Variants in PRKG1 observed in about 807,000 individuals in gnomAD.
PRKG1 encodes the protein protein kinase cGMP-dependent 1.
Under a neutral mutation model 88.1 loss-of-function variants are expected in PRKG1, and 35 were observed. The ratio of observed to expected loss-of-function variants is 0.40; its 90% CI spans 0.30 to 0.53. PRKG1 has a LOEUF of 0.53. Ranked by LOEUF, PRKG1 falls within the 20% of genes least tolerant of loss-of-function variation. The pLI, the probability that PRKG1 is intolerant of heterozygous loss-of-function variation, is 0.59. For missense variants in PRKG1, 540 were observed against 839.8 expected, an observed-to-expected ratio of 0.64 and a Z score of 4.41; for synonymous variants, 303 against 292.5, an observed-to-expected ratio of 1.04 and a Z score of -0.37.
At chr10:51,629,993 C>T (rs1042767572) in intron 3 of PRKG1, among the ~76,000 whole-genome samples, 4 of 152,166 alleles carry the variant, frequency 2.6e-5, no homozygotes, top group Admixed American at 2.0e-4. Flanking sequence ...TATCTGCCGA[C>T]TTGAACACAG....
At chr10:51,800,691 G>A (rs1465180430) in intron 3 of PRKG1, among the ~76,000 whole-genome samples, 19 of 152,062 alleles carry the variant, frequency 1.2e-4, no homozygotes, top group African/African-American at 4.6e-4. Context: ...AGTTCTGGAG[G>A]CTAGAAGCCC....
chr10:51,095,870 T>A (rs577470791), intron 1 of PRKG1, among the ~76,000 whole-genome samples: 1 of 152,278 alleles, frequency 6.6e-6, no homozygotes, highest in South Asian at 2.1e-4. Context: ...ATTGAAGTCA[T>A]ATGATTCAGG....
intron 3 of PRKG1, among the ~76,000 whole-genome samples, chr10:51,667,116 C>G (rs967002967): frequency 1.8e-4 from 28 of 152,216 alleles, no homozygotes; most frequent in African/African-American, 6.7e-4. Flanking sequence ...TATCTAATAA[C>G]TAAAGACTCC....
intron 5 of PRKG1, among the ~76,000 whole-genome samples, chr10:51,959,522 C>T (rs1446853668): frequency 6.6e-6 from 1 of 152,106 alleles, no homozygotes; most frequent in Non-Finnish European, 1.5e-5. Context: ...TCAGTTCCAG[C>T]TTTGATGCCT....
At position 51,852,375 on chromosome 10, in the gene PRKG1, T is replaced by TAG. The variant is rs144635661; in HGVS notation, c.698+47704_698+47705dup. On this transcript the variant is annotated intron_variant, in intron 4 of 17. Coordinates refer to ENST00000373980, the MANE Select transcript of PRKG1 (RefSeq NM_006258.4). ...ACATAGATATACACACACACACACA[T>TAG]AGAGAGAGAGAGAGAGAGAGGAAAC... Among the ~76,000 whole-genome samples, 1,177 of 143,852 alleles carry TAG rather than the reference T, an allele frequency of 8.2e-3. 20 individuals carry two copies. Among genetic ancestry groups the TAG allele is most frequent in the African/African-American group, 0.028 (1,089 of 39,478 alleles). 94.4% of individuals were successfully genotyped at this position (143,852 alleles called of 152,430 possible).
chr10:52,261,677 T>G (rs1564536338), intron 10 of PRKG1, among the ~76,000 whole-genome samples: 1 of 152,128 alleles, frequency 6.6e-6, no homozygotes, highest in African/African-American at 2.4e-5. Flanking sequence ...AATGCTATGG[T>G]TCATTCTTAA....
At chr10:51,774,249 T>A (rs1838379128) in intron 3 of PRKG1, among the ~76,000 whole-genome samples, 2 of 152,120 alleles carry the variant, frequency 1.3e-5, no homozygotes, top group South Asian at 4.1e-4. Flanking sequence ...TAACACATGT[T>A]TTTACACTTT....
chr10:51,004,355 A>G (rs1435555538), intron 1 of PRKG1, among the ~76,000 whole-genome samples: 2 of 152,170 alleles, frequency 1.3e-5, no homozygotes, highest in African/African-American at 2.4e-5. Flanking sequence ...GCTATTGGAC[A>G]GGCTGAGGCA....
chr10:52,222,497 C>T (rs1840271955), intron 9 of PRKG1, among the ~76,000 whole-genome samples: 1 of 152,054 alleles, frequency 6.6e-6, no homozygotes, highest in African/African-American at 2.4e-5. Flanking sequence ...AAACCCCAAC[C>T]AGGAGTGAGA....
chr10:51,914,064 C>A (rs1842284068), intron 5 of PRKG1, among the ~76,000 whole-genome samples: 1 of 152,036 alleles, frequency 6.6e-6, no homozygotes, highest in Admixed American at 6.6e-5. Flanking sequence ...CAAGCTAACT[C>A]ATTTTCTTTC....
intron 7 of PRKG1, among the ~76,000 whole-genome samples, chr10:52,079,139 A>G (rs1589587097): frequency 2.6e-5 from 4 of 152,358 alleles, no homozygotes; most frequent in East Asian, 1.9e-4. Context: ...CCTCTGTGTC[A>G]TAGCTCTCCT....
At chr10:51,030,778 C>G (rs948625130) in intron 1 of PRKG1, among the ~76,000 whole-genome samples, 2 of 152,088 alleles carry the variant, frequency 1.3e-5, no homozygotes, top group Non-Finnish European at 2.9e-5. Flanking sequence ...ACATCGGCTC[C>G]CCTTTGCCTT....
chr10:52,292,023 AT>A (rs1842260926), intron 17 of PRKG1, among the ~76,000 whole-genome samples: 1 of 151,936 alleles, frequency 6.6e-6, no homozygotes, highest in South Asian at 2.1e-4. Context: ...GATGATGAGT[AT>A]TTTTTCATGT....
At chr10:51,270,997 CCTT>C (rs1486896822) in intron 2 of PRKG1, among the ~76,000 whole-genome samples, 1 of 152,202 alleles carries the variant, frequency 6.6e-6, no homozygotes, top group Non-Finnish European at 1.5e-5. Context: ...TAGAGATCCT[CCTT>C]CTTAACCTAA....
chr10:51,929,827 C>A (rs1842652035), intron 5 of PRKG1, among the ~76,000 whole-genome samples: 1 of 152,100 alleles, frequency 6.6e-6, no homozygotes, highest in Admixed American at 6.6e-5. Flanking sequence ...GTTTCTCTAA[C>A]TGACCTAGGG....
intron 2 of PRKG1, among the ~76,000 whole-genome samples, chr10:51,413,303 A>G (rs1032532620): frequency 6.6e-5 from 10 of 152,162 alleles, no homozygotes; most frequent in African/African-American, 2.4e-4. Context: ...AAGAGTTATA[A>G]CTTAAGCCCT....
At chr10:51,737,482 G>A (rs1837308835) in intron 3 of PRKG1, among the ~76,000 whole-genome samples, 3 of 152,098 alleles carry the variant, frequency 2.0e-5, no homozygotes, top group Admixed American at 1.3e-4. Context: ...TAAATGGCAG[G>A]GAGTCACATT....
At chr10:51,675,252 T>C (rs182167976) in intron 3 of PRKG1, among the ~76,000 whole-genome samples, 1 of 152,316 alleles carries the variant, frequency 6.6e-6, no homozygotes. Flanking sequence ...CACTATGTCC[T>C]AAACTATTTG....
At chr10:51,282,353 G>T (rs1339040116) in intron 2 of PRKG1, among the ~76,000 whole-genome samples, 1 of 151,968 alleles carries the variant, frequency 6.6e-6, no homozygotes, top group African/African-American at 2.4e-5. Flanking sequence ...GAAACATTTT[G>T]GTTATATATA....
Sources: gnomAD v4.1 joint callset for allele counts (sites outside exome capture counted in the v4.1 genomes callset) on GRCh38, gnomAD v4.1.1 for gene constraint, MANE v1.5 for transcripts, NCBI Gene and HGNC (gene_info 2026-07-23, HGNC 2026-07-21) for gene names.